The following CYB5RL variants were observed in gnomAD, a reference collection of about 807,000 sequenced individuals.
CYB5RL encodes NADH-cytochrome b5 reductase-like.
In CYB5RL, 38 loss-of-function variants were observed where a neutral mutation model predicts 37.5. The ratio of observed to expected loss-of-function variants is 1.01; its 90% CI spans 0.78 to 1.33. The LOEUF (loss-of-function observed/expected upper bound fraction) is 1.33, where lower values mean the gene tolerates loss of function less well. CYB5RL is among the 40% of genes most tolerant of loss of function. The pLI is 0.00. For synonymous variants in CYB5RL, 141 were observed against 151.9 expected (o/e 0.93, Z 0.53); for missense variants, 388 against 394.4 (o/e 0.98, Z 0.14).
chr1:54,193,171 A>G (rs1242409974), intron 3 of CYB5RL, among the ~76,000 whole-genome samples: 1 of 152,246 alleles, frequency 6.6e-6, no homozygotes, highest in Non-Finnish European at 1.5e-5. Context: ...GGTACTTAGT[A>G]GATCTTGGAG....
chr1:54,175,543 T>C (rs1570095934), intron 7 of CYB5RL: 2 of 322,418 alleles, frequency 6.2e-6, no homozygotes, highest in Non-Finnish European at 1.3e-5. Context: ...GAATTTCTTC[T>C]ATTTTTTTAA....
intron 7 of CYB5RL, 43 bp from the exon 8 acceptor site, chr1:54,174,865 G>A (rs762621457): frequency 1.3e-6 from 2 of 1,588,488 alleles, no homozygotes; most frequent in Non-Finnish European, 8.5e-7. Context: ...AGGGAGCGGG[G>A]GGTCCTTAGT....
chr1:54,194,804 T>G (rs1342272068), intron 3 of CYB5RL, among the ~76,000 whole-genome samples: 2 of 152,198 alleles, frequency 1.3e-5, no homozygotes, highest in Non-Finnish European at 2.9e-5. Context: ...ACAAAACCTA[T>G]GCACAGTGTC....
At chr1:54,175,206 C>T (rs995865854) in intron 7 of CYB5RL, among the ~76,000 whole-genome samples, 8 of 152,238 alleles carry the variant, frequency 5.3e-5, no homozygotes, top group African/African-American at 1.9e-4. Context: ...CTATCATCAT[C>T]ACCCTCGGAG....
intron 3 of CYB5RL, among the ~76,000 whole-genome samples, chr1:54,192,295 G>A (rs1487584849): frequency 1.3e-5 from 2 of 149,206 alleles, no homozygotes; most frequent in Non-Finnish European, 3.0e-5. Flanking sequence ...AGTGATTCTC[G>A]TGCCTCAGCC....
intron 6 of CYB5RL, chr1:54,179,902 A>C: frequency 2.2e-6 from 1 of 453,442 alleles, no homozygotes; most frequent in Admixed American, 2.4e-5. Context: ...AAATGAAATA[A>C]TATGCATAAG....
chr1:54,191,856 A>G (rs1643957063), intron 3 of CYB5RL, among the ~76,000 whole-genome samples: 1 of 152,196 alleles, frequency 6.6e-6, no homozygotes, highest in Non-Finnish European at 1.5e-5. Flanking sequence ...GGTGCTTTGG[A>G]AAGAACACTG....
chr1:54,180,252 A>C (rs1364345156), intron 6 of CYB5RL: 1 of 407,066 alleles, frequency 2.5e-6, no homozygotes, highest in African/African-American at 2.1e-5. Context: ...AAAAAAAAAA[A>C]GGTGAGTTCC....
At chr1:54,180,235 TA>T (rs11410550) in intron 6 of CYB5RL, 14,355 of 316,156 alleles carry the variant, frequency 0.045, 2 homozygotes, top group South Asian at 0.074. Flanking sequence ...AGATTCCATC[TA>T]AAAAAAAAAA....
intron 6 of CYB5RL, among the ~76,000 whole-genome samples, chr1:54,180,793 A>G (rs1244639621): frequency 6.6e-6 from 1 of 152,184 alleles, no homozygotes; most frequent in Non-Finnish European, 1.5e-5. Context: ...GGTAAAAAAA[A>G]GAAACGCACT....
chr1:54,181,773 G>A (rs1308183571), intron 6 of CYB5RL, among the ~76,000 whole-genome samples: 1 of 152,202 alleles, frequency 6.6e-6, no homozygotes, highest in Admixed American at 6.5e-5. Flanking sequence ...GCAACATGGT[G>A]AAATCCTGTG....
At chr1:54,186,773 C>T (rs151099086) in intron 5 of CYB5RL, among the ~76,000 whole-genome samples, 17 of 151,246 alleles carry the variant, frequency 1.1e-4, no homozygotes, top group African/African-American at 3.4e-4. Context: ...GGTAGGAAGG[C>T]GGGAGCTGGA....
chr1:54,186,819 T>G (rs547048875), intron 5 of CYB5RL, among the ~76,000 whole-genome samples: 2 of 151,818 alleles, frequency 1.3e-5, no homozygotes, highest in South Asian at 2.1e-4. Flanking sequence ...GGGGCAGGAC[T>G]CACCTACTAG....
chr1:54,171,002 C>T lies in CYB5RL; in HGVS notation c.*3617G>A, dbSNP rs1659877845. ...TCCAGGAAGTGCTGAGCATCCTCCC[C>T]TGTTAGGGGTACAATGGGCCGGCCC... On this transcript the variant is annotated 3_prime_UTR_variant, in exon 8 of 8. Coordinates refer to ENST00000534324, the MANE Select transcript of CYB5RL (RefSeq NM_001031672.4). 1 of 389,490 alleles carries T rather than the reference C, an allele frequency of 2.6e-6. No homozygotes were observed. Among genetic ancestry groups the T allele is most frequent in the Non-Finnish European group, 5.2e-6 (1 of 190,906 alleles). The allele number at this position is 389,490 out of a possible 1,614,324, so 24.1% of individuals were successfully genotyped here. A position where few individuals can be genotyped will look rare whatever the true frequency, so the allele number is the denominator to read the frequency against.
intron 7 of CYB5RL, 51 bp from the exon 8 acceptor site, chr1:54,174,873 A>G: frequency 3.8e-6 from 6 of 1,571,586 alleles, no homozygotes; most frequent in Non-Finnish European, 5.2e-6. Context: ...GGGGGTCCTT[A>G]GTGTTCACAC....
chr1:54,186,298 G>A (rs1044769553), intron 5 of CYB5RL: 2 of 152,144 alleles, frequency 1.3e-5, no homozygotes, highest in African/African-American at 4.8e-5. Context: ...TGTAAAATGG[G>A]AATAATATGA....
At chr1:54,189,935 G>C (rs531411043) in intron 4 of CYB5RL, among the ~76,000 whole-genome samples, 1 of 152,178 alleles carries the variant, frequency 6.6e-6, no homozygotes, top group Non-Finnish European at 1.5e-5. Context: ...TGCCAATACC[G>C]TAGATGCTGG....
intron 1 of CYB5RL, among the ~76,000 whole-genome samples, chr1:54,197,223 C>T (rs1446948901): frequency 1.3e-5 from 2 of 152,100 alleles, no homozygotes; most frequent in African/African-American, 4.8e-5. Context: ...TGAAGGCCTG[C>T]CTGGCTTCAC....
intron 6 of CYB5RL, among the ~76,000 whole-genome samples, chr1:54,183,639 C>T (rs1049068671): frequency 3.9e-4 from 60 of 152,226 alleles, no homozygotes; most frequent in Non-Finnish European, 8.8e-5. Context: ...AAGCAATGGC[C>T]GCCCTGGGTA....
Sources: allele counts gnomAD v4.1 joint callset (sites outside exome capture counted in the v4.1 genomes callset), GRCh38; gene constraint gnomAD v4.1.1; transcripts MANE v1.5; gene names NCBI Gene and HGNC (gene_info 2026-07-23, HGNC 2026-07-21).